Variants in UTS2B observed in about 807,000 individuals in gnomAD.
The protein encoded by UTS2B is urotensin-2B.
Under a neutral mutation model 19.2 loss-of-function variants are expected in UTS2B, and 21 were observed. The ratio of observed to expected loss-of-function variants is 1.09; its 90% CI spans 0.78 to 1.58. The LOEUF is 1.58. UTS2B is among the 40% of genes most tolerant of loss of function. The probability of loss-of-function intolerance (pLI) is 0.00; values close to 1 mark genes in which losing one functional copy is unlikely to be tolerated. For synonymous variants in UTS2B, 57 were observed against 50.2 expected, an observed-to-expected ratio of 1.14 and a Z score of -0.58; for missense variants, 138 against 130.3, an observed-to-expected ratio of 1.06 and a Z score of -0.29.
chr3:191,271,200 CAAAAAAAAAAAAAAAAA>C (rs66756396), intron 8 of UTS2B, among the ~76,000 whole-genome samples: 1 of 52,742 alleles, frequency 1.9e-5, no homozygotes, highest in Admixed American at 2.4e-4. Context: ...GAGACTCTCT[CAAAAAAAAAAAAAAAAA>C]AAAAAAAAAG....
chr3:191,286,315 C>G (rs1716542380), intron 4 of UTS2B, among the ~76,000 whole-genome samples: 1 of 152,130 alleles, frequency 6.6e-6, no homozygotes. Flanking sequence ...TCATCCAACA[C>G]CAGAATACAC....
Position 191,313,201 on chromosome 3 carries a change from G to A in UTS2B, c.-182+2835C>T, listed in dbSNP as rs1717351877. Reference sequence around the variant, plus strand: ...GTAGAGATGAGGTTTCACCATATTGGCCAGTCTGGTCTCCAACTCCTGACT... The same window carrying A: ...GTAGAGATGAGGTTTCACCATATTGACCAGTCTGGTCTCCAACTCCTGACT... On this transcript the variant is annotated intron_variant, in intron 3 of 8. Transcript: ENST00000340524. Among the ~76,000 whole-genome samples the A allele has an allele frequency of 4.6e-5, 7 of 152,076 alleles. No homozygotes were observed. In the South Asian group the frequency reaches 1.5e-3, roughly 32 times the overall value.
At chr3:191,298,313 C>T (rs1303843692) in intron 4 of UTS2B, among the ~76,000 whole-genome samples, 1 of 152,114 alleles carries the variant, frequency 6.6e-6, no homozygotes, top group East Asian at 1.9e-4. Context: ...AATTGTAATC[C>T]CCAATATTGG....
chr3:191,312,751 G>A (rs1347951287), intron 3 of UTS2B, among the ~76,000 whole-genome samples: 4 of 152,092 alleles, frequency 2.6e-5, no homozygotes, highest in Non-Finnish European at 5.9e-5. Flanking sequence ...ACCCCAAAAC[G>A]TCATCTTGAG....
intron 4 of UTS2B, among the ~76,000 whole-genome samples, chr3:191,293,968 C>T (rs886680640): frequency 1.3e-5 from 2 of 151,374 alleles, no homozygotes; most frequent in Non-Finnish European, 2.9e-5. Context: ...ATTAGCCGGG[C>T]GTGGTGACAC....
chr3:191,337,604 A>G, the UTS2B span, among the ~76,000 whole-genome samples: 2 of 151,986 alleles, frequency 1.3e-5, no homozygotes, highest in Non-Finnish European at 2.9e-5. Context: ...CGGCCTCCCA[A>G]AGTGCTGGGA....
At chr3:191,311,235 C>T (rs1717293810) in intron 3 of UTS2B, among the ~76,000 whole-genome samples, 1 of 152,244 alleles carries the variant, frequency 6.6e-6, no homozygotes, top group Non-Finnish European at 1.5e-5. Flanking sequence ...CTTTTAATAT[C>T]ACCTAGGAAA....
chr3:191,319,089 CTT>C (rs1717543187), intron 2 of UTS2B, among the ~76,000 whole-genome samples: 1 of 152,018 alleles, frequency 6.6e-6, no homozygotes, highest in Non-Finnish European at 1.5e-5. Context: ...ATAGCTGACA[CTT>C]TGCTGAATTT....
chr3:191,278,877 C>T (rs1030989540), intron 5 of UTS2B, among the ~76,000 whole-genome samples: 9 of 151,972 alleles, frequency 5.9e-5, no homozygotes, highest in Non-Finnish European at 1.0e-4. Context: ...TAGTATATTA[C>T]CATGAACTTT....
At chr3:191,273,364 G>A (rs942462385) in intron 8 of UTS2B, 1 of 418,476 alleles carries the variant, frequency 2.4e-6, no homozygotes, top group South Asian at 1.8e-5. Flanking sequence ...AGTACTATAG[G>A]TACTTCCTTA....
chr3:191,285,504 T>A (rs1196022858), intron 4 of UTS2B, among the ~76,000 whole-genome samples: 2 of 152,142 alleles, frequency 1.3e-5, no homozygotes, highest in Non-Finnish European at 2.9e-5. Flanking sequence ...TTACCTTGAG[T>A]ATACATGCAT....
At chr3:191,344,959 G>A in the UTS2B span, among the ~76,000 whole-genome samples, 1 of 152,136 alleles carries the variant, frequency 6.6e-6, no homozygotes. Context: ...ATCCTCAAAT[G>A]CACATCCACA....
intron 4 of UTS2B, among the ~76,000 whole-genome samples, chr3:191,301,462 T>C (rs1560141233): frequency 6.6e-6 from 1 of 151,716 alleles, no homozygotes; most frequent in Non-Finnish European, 1.5e-5. Context: ...GGTATTTGTT[T>C]TATTAACTAA....
chr3:191,270,555 T>TA (rs1043309786), intron 8 of UTS2B, among the ~76,000 whole-genome samples: 9 of 151,836 alleles, frequency 5.9e-5, no homozygotes, highest in South Asian at 2.1e-4. Flanking sequence ...GTTTTTTTTT[T>TA]ATGCTTTCAA....
intron 8 of UTS2B, chr3:191,273,453 T>C (rs953446200): frequency 6.6e-6 from 3 of 456,542 alleles, no homozygotes; most frequent in African/African-American, 4.0e-5. Context: ...GTAGAAATGA[T>C]GTGTGTCCCT....
At chr3:191,309,977 C>G (rs1402812579) in intron 3 of UTS2B, among the ~76,000 whole-genome samples, 3 of 134,440 alleles carry the variant, frequency 2.2e-5, no homozygotes, top group Non-Finnish European at 5.0e-5. Flanking sequence ...TTTTTTCTTT[C>G]TTTGTGGCAG....
At chr3:191,295,534 T>C (rs752416516) in intron 4 of UTS2B, among the ~76,000 whole-genome samples, 9 of 151,982 alleles carry the variant, frequency 5.9e-5, no homozygotes, top group Non-Finnish European at 1.0e-4. Flanking sequence ...TCCTAGTAGA[T>C]ACATGGGTTT....
At chr3:191,288,667 T>TAG (rs1716622894) in intron 4 of UTS2B, among the ~76,000 whole-genome samples, 1 of 150,056 alleles carries the variant, frequency 6.7e-6, no homozygotes. Flanking sequence ...AAATCTACTG[T>TAG]AAAAAAAAAA....
In UTS2B at chr3:191,275,346, C is replaced by G; in HGVS notation, c.241-1G>C. ...CTAGCTGTTCTTTTAGCTTTTCCAG[C>G]TGATAAAATTGTAAAATGATAATTA... is the stretch of plus-strand genomic sequence containing the variant. On this transcript the variant is annotated splice_acceptor_variant, in intron 7 of 8. Transcript: ENST00000340524. LOFTEE classifies it high-confidence loss of function. 2 of 1,611,928 alleles carry G rather than the reference C, an allele frequency of 1.2e-6. No individual in the cohort carries two copies. Among genetic ancestry groups the G allele is most frequent in the Non-Finnish European group, 1.7e-6 (2 of 1,178,180 alleles).
Sources: allele counts gnomAD v4.1 joint callset (sites outside exome capture counted in the v4.1 genomes callset), GRCh38; gene constraint gnomAD v4.1.1; transcripts MANE v1.5; gene names NCBI Gene and HGNC (gene_info 2026-07-23, HGNC 2026-07-21).